ZNF564: variants seen among roughly 807,000 people sequenced by gnomAD.
The protein encoded by ZNF564 is zinc finger protein 564.
ZNF564 carries 5 observed loss-of-function variants against 10.5 expected under a neutral mutation model. The observed-to-expected ratio is 0.48, with a 90% CI of 0.25 to 1.00. The LOEUF (loss-of-function observed/expected upper bound fraction) is 1.00, where lower values mean the gene tolerates loss of function less well. Among genes scored for constraint, ZNF564 ranks in the 50% least tolerant of loss-of-function variants. The pLI is 0.16. For missense variants in ZNF564, 603 were observed against 669.7 expected (o/e 0.90, Z 1.10); for synonymous variants, 242 against 218.1 (o/e 1.11, Z -0.97).
chr19:12,528,898 T>C (rs2021745333), intron 1 of ZNF564, among the ~76,000 whole-genome samples: 1 of 152,144 alleles, frequency 6.6e-6, no homozygotes, highest in African/African-American at 2.4e-5. Flanking sequence ...ACCCCATCTC[T>C]ACTACAGATA....
At chr19:12,528,203 A>G in intron 3 of ZNF564, 101 bp downstream of exon 3, 1 of 1,200,358 alleles carries the variant, frequency 8.3e-7, no homozygotes. Flanking sequence ...TTGTAGGAAT[A>G]AATAAATCTG....
chr19:12,526,928 T>C lies in ZNF564; in HGVS notation c.1180A>G (p.Lys394Glu), dbSNP rs368037421. The stretch of plus-strand genomic sequence containing the variant: ...AAGGCTCTACCACATACCTGACATT[T>C]ATAAGGTCCATCTCCAGTGTGCTTT... ...MIKHTGDGPY[K>E]CQVCGRAFDC... is the part of the protein sequence containing the mutation. Residue 394 changes from lysine (K) to glutamate (E), a missense_variant, in exon 4 of 4, where the codon AAA (lysine) becomes GAA (glutamate). Transcript: ENST00000339282. 10 of 1,614,092 alleles carry C rather than the reference T, an allele frequency of 6.2e-6. No homozygotes were observed. Among genetic ancestry groups the C allele is most frequent in the Non-Finnish European group, 8.5e-6 (10 of 1,180,004 alleles).
Position 12,551,371 on chromosome 19 carries a change from C to T in ZNF564, c.-39G>A, listed in dbSNP as rs750695120. The T allele has an allele frequency of 1.3e-6, 2 of 1,589,786 alleles. No homozygotes were observed. Among genetic ancestry groups the T allele is most frequent in the Admixed American group, 1.8e-5 (1 of 56,498 alleles). On this transcript the variant is annotated 5_prime_UTR_variant, in exon 1 of 4. Transcript: ENST00000339282. ...GGGTGTCCCGGGGTCCTGCCTACGGCTCTCTCCGGCCTGTGCAGGTCCCAG... is the reference window on the plus strand; with the variant it reads ...GGGTGTCCCGGGGTCCTGCCTACGGTTCTCTCCGGCCTGTGCAGGTCCCAG...
chr19:12,536,493 C>G (rs1423495256), intron 1 of ZNF564, among the ~76,000 whole-genome samples: 2 of 152,152 alleles, frequency 1.3e-5, no homozygotes, highest in Non-Finnish European at 2.9e-5. Context: ...ATATTTCATG[C>G]AACTGATTTG....
chr19:12,534,679 T>G (rs1345761499), intron 1 of ZNF564, among the ~76,000 whole-genome samples: 2 of 152,060 alleles, frequency 1.3e-5, no homozygotes, highest in Non-Finnish European at 2.9e-5. Context: ...CTGGGCATGG[T>G]GGCACATGCA....
At position 12,528,583 on chromosome 19, in the gene ZNF564, G is replaced by A; in HGVS notation, c.117C>T (p.Asn39=). The part of the protein sequence containing the change: ...YRDVMRETFR[N]LACVGKKWED... ...TGTCATCCTTACCTACACAGGCCAGGTTTCTAAAGGTTTCCCGCATCACAT... is the reference window on the plus strand; with the variant it reads ...TGTCATCCTTACCTACACAGGCCAGATTTCTAAAGGTTTCCCGCATCACAT... The change falls in exon 2 of 4, where the codon AAC becomes AAT. Residue 39 remains asparagine (N), a synonymous_variant. Transcript: ENST00000339282. 1 of 1,613,452 alleles carries A rather than the reference G, an allele frequency of 6.2e-7. No homozygotes were observed. The highest frequency in any genetic ancestry group is 1.1e-5 in the South Asian group (1 of 90,956).
Position 12,551,423 on chromosome 19 carries a change from CG to C in ZNF564, c.-92del. The C allele has an allele frequency of 6.8e-7, 1 of 1,464,814 alleles. No homozygotes were observed. 90.7% of individuals were successfully genotyped at this position (1,464,814 alleles called of 1,614,324 possible). A position where few individuals can be genotyped will look rare whatever the true frequency, so the allele number is the denominator to read the frequency against. ...GCGCCAGACGCTGCGGTGGAGCCAC[CG>C]GGGCCACTGGAGAAGCGGAGACCGG... On this transcript the variant is annotated 5_prime_UTR_variant, in exon 1 of 4. Coordinates refer to ENST00000339282, the MANE Select transcript of ZNF564 (RefSeq NM_144976.4).
intron 1 of ZNF564, among the ~76,000 whole-genome samples, chr19:12,549,061 C>CCATA (rs35589861): frequency 0.53 from 80,627 of 151,596 alleles, 22,629 homozygotes; most frequent in African/African-American, 0.59. Context: ...GAGAAACCTA[C>CCATA]CATACATGTT....
In ZNF564 at chr19:12,526,313, G is replaced by T. The variant is rs775607847; in HGVS notation, c.*133C>A. ...TTTCCAAAATATGAGACAGGCACAG[G>T]ATAGAGATTCCTATTCCAAAAGTGA... On this transcript the variant is annotated 3_prime_UTR_variant, in exon 4 of 4. Coordinates refer to ENST00000339282, the MANE Select transcript of ZNF564 (RefSeq NM_144976.4). 74 of 941,144 alleles carry T rather than the reference G, an allele frequency of 7.9e-5. No homozygotes were observed. The highest frequency in any genetic ancestry group is 1.0e-4 in the Non-Finnish European group (66 of 640,202). The allele number at this position is 941,144 out of a possible 1,614,324, so 58.3% of individuals were successfully genotyped here.
At chr19:12,544,909 A>G (rs1446871626) in intron 1 of ZNF564, among the ~76,000 whole-genome samples, 1 of 152,172 alleles carries the variant, frequency 6.6e-6, no homozygotes, top group Non-Finnish European at 1.5e-5. Flanking sequence ...ACCCACATTC[A>G]GAAGGTTAAA....
At chr19:12,532,780 T>C (rs2021834862) in intron 1 of ZNF564, 1 of 152,090 alleles carries the variant, frequency 6.6e-6, no homozygotes, top group South Asian at 2.1e-4. Flanking sequence ...GAGCATCACA[T>C]AATGATAAAG....
chr19:12,551,357 G>T lies in ZNF564; in HGVS notation c.-25C>A. On this transcript the variant is annotated 5_prime_UTR_variant, in exon 1 of 4. Coordinates refer to ENST00000339282, the MANE Select transcript of ZNF564 (RefSeq NM_144976.4). ...TTTCCTGGCTTCCAGGGTGTCCCGG[G>T]GTCCTGCCTACGGCTCTCTCCGGCC... The T allele has an allele frequency of 6.2e-7, 1 of 1,601,242 alleles. No homozygotes were observed. The highest frequency in any genetic ancestry group is 1.1e-5 in the South Asian group (1 of 89,552).
At chr19:12,533,531 A>G (rs2021848217) in intron 1 of ZNF564, among the ~76,000 whole-genome samples, 1 of 152,158 alleles carries the variant, frequency 6.6e-6, no homozygotes, top group African/African-American at 2.4e-5. Flanking sequence ...ATTGGAGACC[A>G]GCCTGGACAA....
In ZNF564 at chr19:12,526,836, C is replaced by T. The variant is rs903316329; in HGVS notation, c.1272G>A (p.Gln424=). 4 of 1,613,714 alleles carry T rather than the reference C, an allele frequency of 2.5e-6. No individual in the cohort carries two copies. Among genetic ancestry groups the T allele is most frequent in the Non-Finnish European group, 3.4e-6 (4 of 1,179,902 alleles). ...GAGAAATGAAGGCTTTCCCACATAC[C>T]TGACATTCATAGGGTTTCTCTCCAG... The part of the protein sequence containing the change: ...THTGEKPYEC[Q]VCGKAFISLK... The change falls in exon 4 of 4, where the codon CAG becomes CAA. Residue 424 remains glutamine, a synonymous_variant. Coordinates refer to ENST00000339282, the MANE Select transcript of ZNF564 (RefSeq NM_144976.4).
At chr19:12,528,124 A>C (rs1031766127) in intron 3 of ZNF564, among the ~76,000 whole-genome samples, 180 bp downstream of exon 3, 1 of 152,204 alleles carries the variant, frequency 6.6e-6, no homozygotes. Context: ...GTTTCTTAAT[A>C]CTATTTCCAA....
intron 1 of ZNF564, among the ~76,000 whole-genome samples, chr19:12,532,500 A>C (rs1463593803): frequency 1.6e-5 from 2 of 128,826 alleles, no homozygotes; most frequent in East Asian, 4.7e-4. Flanking sequence ...GCGCCACTGC[A>C]CTCCAGCCTG....
At chr19:12,536,774 C>T (rs2021924029) in intron 1 of ZNF564, among the ~76,000 whole-genome samples, 1 of 152,084 alleles carries the variant, frequency 6.6e-6, no homozygotes, top group Admixed American at 6.6e-5. Context: ...ATAGAGTGAG[C>T]CATCACATCC....
At chr19:12,548,665 C>A in intron 1 of ZNF564, 3 of 618,192 alleles carry the variant, frequency 4.9e-6, no homozygotes, top group African/African-American at 1.8e-5. Flanking sequence ...ATAGCTTAAA[C>A]ATGAAAAGCA....
At chr19:12,550,452 T>C in intron 1 of ZNF564, 1 of 213,748 alleles carries the variant, frequency 4.7e-6, no homozygotes. Flanking sequence ...GGTCTGGAGT[T>C]TGAGACCAAC....
Sources: gnomAD v4.1 joint callset for allele counts (sites outside exome capture counted in the v4.1 genomes callset) on GRCh38, gnomAD v4.1.1 for gene constraint, MANE v1.5 for transcripts, NCBI Gene and HGNC (gene_info 2026-07-23, HGNC 2026-07-21) for gene names.